The following CIMAP1B variants were observed in gnomAD, a reference collection of about 807,000 sequenced individuals.
CIMAP1B encodes the protein ciliary microtubule associated protein 1B.
chr22:50,531,453 C>A, the CIMAP1B span: 10 of 1,073,174 alleles, frequency 9.3e-6, no homozygotes, highest in South Asian at 1.3e-4. Flanking sequence ...ATGGGGGTAC[C>A]GAATATGCGG....
the CIMAP1B span, chr22:50,531,785 C>G: frequency 1.5e-6 from 2 of 1,354,402 alleles, no homozygotes; most frequent in East Asian, 6.2e-5. Flanking sequence ...TGGGAGCATC[C>G]GAGTTAGCGT....
At chr22:50,530,767 G>A in the CIMAP1B span, 7 of 1,609,484 alleles carry the variant, frequency 4.3e-6, no homozygotes, top group Admixed American at 1.7e-5. Context: ...TTGGGGGAGC[G>A]AAGTCCGCGC....
chr22:50,531,875 C>A, the CIMAP1B span: 1 of 1,311,430 alleles, frequency 7.6e-7, no homozygotes, highest in Non-Finnish European at 9.8e-7. Context: ...CTAGCAGGCA[C>A]GGTTCAGCCC....
chr22:50,532,002 G>C, the CIMAP1B span: 1 of 1,359,418 alleles, frequency 7.4e-7, no homozygotes, highest in African/African-American at 1.5e-5. Context: ...TTGGGCCCGG[G>C]GCCTCCGTAG....
At chr22:50,531,132 C>T in the CIMAP1B span, 2 of 1,584,498 alleles carry the variant, frequency 1.3e-6, no homozygotes, top group Admixed American at 1.7e-5. Flanking sequence ...TCCCGGAGGG[C>T]GGTCCCCGGT....
At chr22:50,532,229 C>T in the CIMAP1B span, 39 of 1,100,850 alleles carry the variant, frequency 3.5e-5, no homozygotes, top group East Asian at 1.0e-3. Context: ...TCCCTGGCGC[C>T]AGCAAAACAA....
chr22:50,531,794 G>T, the CIMAP1B span: 1 of 1,353,108 alleles, frequency 7.4e-7, no homozygotes, highest in Non-Finnish European at 9.5e-7. Context: ...CCGAGTTAGC[G>T]TCTGGCCGGG....
the CIMAP1B span, chr22:50,530,860 A>C: frequency 6.2e-7 from 1 of 1,604,746 alleles, no homozygotes; most frequent in East Asian, 2.2e-5. Flanking sequence ...GGTCTGCGAG[A>C]GGGCAGAGGG....
At chr22:50,531,939 C>G in the CIMAP1B span, 1 of 1,314,652 alleles carries the variant, frequency 7.6e-7, no homozygotes. Context: ...CGCCGTCCCA[C>G]CCCTCAATCC....
chr22:50,531,363 G>T, the CIMAP1B span: 1 of 1,313,260 alleles, frequency 7.6e-7, no homozygotes, highest in Non-Finnish European at 1.1e-6. Context: ...CCGAGATGGG[G>T]TCCTGGGACT....
chr22:50,531,622 G>A, the CIMAP1B span: 1 of 1,394,976 alleles, frequency 7.2e-7, no homozygotes, highest in Admixed American at 3.5e-5. Context: ...CGTAGATGGA[G>A]TAGGCGGGGG....
chr22:50,530,435 G>C, the CIMAP1B span: 4 of 1,525,290 alleles, frequency 2.6e-6, no homozygotes, highest in African/African-American at 4.1e-5. Context: ...ATGCGGACTC[G>C]CAGACTTTAA....
At chr22:50,531,321 G>T in the CIMAP1B span, 5 of 1,560,442 alleles carry the variant, frequency 3.2e-6, no homozygotes, top group Non-Finnish European at 4.4e-6. Flanking sequence ...AGGGTGTGGG[G>T]GGCTAGAACT....
the CIMAP1B span, chr22:50,530,556 C>T: frequency 2.5e-6 from 4 of 1,589,560 alleles, no homozygotes; most frequent in Non-Finnish European, 3.4e-6. Flanking sequence ...GCGGGGCTTC[C>T]GGTGCTGCGG....
At chr22:50,531,092 C>T in the CIMAP1B span, 1 of 1,594,938 alleles carries the variant, frequency 6.3e-7, no homozygotes, top group Non-Finnish European at 8.6e-7. Context: ...GGTAGTGGGT[C>T]TCCGCGGACA....
chr22:50,531,863 C>G, the CIMAP1B span: 1 of 1,328,764 alleles, frequency 7.5e-7, no homozygotes, highest in East Asian at 3.1e-5. Flanking sequence ...CCCCTCTCCC[C>G]TCTAGCAGGC....
chr22:50,531,239 TGTGCCGAGGCGCACTGGG>T, the CIMAP1B span: 1 of 1,612,340 alleles, frequency 6.2e-7, no homozygotes, highest in Non-Finnish European at 8.5e-7. Context: ...GGAGCAATGG[TGTGCCGAGGCGCACTGGG>T]GTACGTCGCG....
At chr22:50,532,186 A>G in the CIMAP1B span, 1 of 1,279,858 alleles carries the variant, frequency 7.8e-7, no homozygotes, top group Non-Finnish European at 1.0e-6. Flanking sequence ...CTACCCTGGG[A>G]TCAGCGCGGG....
chr22:50,531,690 C>T, the CIMAP1B span: 1 of 1,366,774 alleles, frequency 7.3e-7, no homozygotes, highest in Non-Finnish European at 9.4e-7. Context: ...GGCCCGGGGC[C>T]GCACGTCGTC....
Sources: allele counts gnomAD v4.1 joint callset, GRCh38; gene constraint gnomAD v4.1.1; transcripts MANE v1.5; gene names NCBI Gene and HGNC (gene_info 2026-07-23, HGNC 2026-07-21).